NDUFAF3: variants seen among roughly 807,000 people sequenced by gnomAD.
NDUFAF3 encodes NADH:ubiquinone oxidoreductase complex assembly factor 3, also known as NADH dehydrogenase [ubiquinone] 1 alpha subcomplex assembly factor 3.
In NDUFAF3, 21 loss-of-function variants were observed where a neutral mutation model predicts 22.6. The observed-to-expected ratio is 0.93, with a 90% CI of 0.66 to 1.34. NDUFAF3 has a LOEUF of 1.34. Among genes scored for constraint, NDUFAF3 ranks in the 40% most tolerant of loss-of-function variants. The pLI, the probability that NDUFAF3 is intolerant of heterozygous loss-of-function variation, is 0.00. For synonymous variants in NDUFAF3, 113 were observed against 104.9 expected (o/e 1.08, Z -0.47); for missense variants, 251 against 248.4 (o/e 1.01, Z -0.07).
upstream of NDUFAF3, chr3:49,021,761 G>C (rs1051137999): frequency 3.2e-6 from 1 of 307,752 alleles, no homozygotes; most frequent in Non-Finnish European, 6.1e-6. The surrounding 1 kb of genome is among the most constrained non-coding windows in gnomAD (Gnocchi z 4.1). Context: ...CCACCGCCTG[G>C]CCAGGTGTTC....
chr3:49,022,724 C>G lies in NDUFAF3; in HGVS notation c.293C>G (p.Thr98Ser), dbSNP rs1174033198. The G allele has an allele frequency of 1.9e-6, 3 of 1,613,986 alleles. No homozygotes were observed. The highest frequency in any genetic ancestry group is 2.5e-6 in the Non-Finnish European group (3 of 1,180,046). The change falls in exon 3 of 5, where the codon ACC becomes AGC. Residue 98 changes from threonine to serine, a missense_variant. Physicochemically the swap from Thr to Ser is moderately conservative, Grantham distance 58. Transcript: ENST00000326925. The surrounding 1 kb of genome is among the most constrained non-coding windows in gnomAD (Gnocchi z 6.6). ...QWNVGSHQDI[T>S]EDSFSLFWLL... Reference sequence around the variant, plus strand: ...CAGGTGGGATCCCACCAGGACATCACCGAAGACAGCTTTTCCCTCTTCTGG... The same window carrying G: ...CAGGTGGGATCCCACCAGGACATCAGCGAAGACAGCTTTTCCCTCTTCTGG...
In NDUFAF3 at chr3:49,022,139, T is replaced by C. The variant is rs2093164166; in HGVS notation, c.-6T>C. 6.2e-7 allele frequency: 1 copy of C among 1,607,204 alleles called. No individual in the cohort carries two copies. The highest frequency in any genetic ancestry group is 8.5e-7 in the Non-Finnish European group (1 of 1,178,872). ...CGGTGACGACTTCGCCGCGCGTTGGTCAGCCATGGCCACCGCTCTCGCGCT... is the reference window on the plus strand; with the variant it reads ...CGGTGACGACTTCGCCGCGCGTTGGCCAGCCATGGCCACCGCTCTCGCGCT... On this transcript the variant is annotated 5_prime_UTR_variant, in exon 1 of 5. Transcript: ENST00000326925. The surrounding 1 kb of genome is among the most constrained non-coding windows in gnomAD (Gnocchi z 6.6).
At position 49,023,382 on chromosome 3, in the gene NDUFAF3, GATTA is replaced by G. The variant is rs1031471156; in HGVS notation, c.*211_*214del. 2 of 611,618 alleles carry G rather than the reference GATTA, an allele frequency of 3.3e-6. No homozygotes were observed. The highest frequency in any genetic ancestry group is 3.7e-5 in the African/African-American group (2 of 54,390). The allele number at this position is 611,618 out of a possible 1,614,324, so 37.9% of individuals were successfully genotyped here. ...AACCAAGGAGTCACTTTTTCATCTA[GATTA>G]CTTAGGATTCCTTGACTTTTCAGAA... On this transcript the variant is annotated 3_prime_UTR_variant, in exon 5 of 5. Transcript: ENST00000326925.
rs1454646164 is a variant in NDUFAF3 at position 49,022,686 on chromosome 3, C to T, written c.271-16C>T. Reference sequence around the variant, plus strand: ...GCGTGGATTTGTCGTATTAAATGTGCCTCCTCCCTGCACAGGTGGGATCCC... The same window carrying T: ...GCGTGGATTTGTCGTATTAAATGTGTCTCCTCCCTGCACAGGTGGGATCCC... On this transcript the variant is annotated splice_polypyrimidine_tract_variant and intron_variant, in intron 2 of 4. Coordinates refer to ENST00000326925, the MANE Select transcript of NDUFAF3 (RefSeq NM_199069.2). The surrounding 1 kb of genome is among the most constrained non-coding windows in gnomAD (Gnocchi z 6.6). 1 of 1,613,898 alleles carries T rather than the reference C, an allele frequency of 6.2e-7. No individual in the cohort carries two copies. The highest frequency in any genetic ancestry group is 8.5e-7 in the Non-Finnish European group (1 of 1,180,004).
Position 49,023,433 on chromosome 3 carries a change from C to T in NDUFAF3, c.*261C>T. 3 of 523,886 alleles carry T rather than the reference C, an allele frequency of 5.7e-6. No individual in the cohort carries two copies. The highest frequency in any genetic ancestry group is 1.0e-5 in the Non-Finnish European group (3 of 288,144). 32.5% of individuals were successfully genotyped at this position (523,886 alleles called of 1,614,324 possible). ...AGAAGTCGGGAAGCAGTATGTTTGC[C>T]TGTTGTAGACCTACTTGCTCACATG... On this transcript the variant is annotated 3_prime_UTR_variant, in exon 5 of 5. Coordinates refer to ENST00000326925, the MANE Select transcript of NDUFAF3 (RefSeq NM_199069.2).
At chr3:49,022,092 C>T, upstream of NDUFAF3, 1 of 1,567,742 alleles carries the variant, frequency 6.4e-7, no homozygotes, top group Non-Finnish European at 8.6e-7. The surrounding 1 kb of genome is among the most constrained non-coding windows in gnomAD (Gnocchi z 6.6). Flanking sequence ...CAGGGCCCTC[C>T]CAACCCGGGG....
Position 49,022,465 on chromosome 3 carries a change from G to T in NDUFAF3, c.197G>T (p.Arg66Leu), listed in dbSNP as rs778884144. 1 of 1,613,038 alleles carries T rather than the reference G, an allele frequency of 6.2e-7. No homozygotes were observed. Among genetic ancestry groups the T allele is most frequent in the Non-Finnish European group, 8.5e-7 (1 of 1,180,004 alleles). Residue 66 changes from arginine (R) to leucine (L), a missense_variant, in exon 2 of 5, where the codon CGC (arginine) becomes CTC (leucine). Coordinates refer to ENST00000326925, the MANE Select transcript of NDUFAF3 (RefSeq NM_199069.2). The surrounding 1 kb of genome is among the most constrained non-coding windows in gnomAD (Gnocchi z 6.6). ...QAMYIDSYNS[R>L]GFMINGNRVL... ...ATGTACATCGACAGCTACAACAGCC[G>T]CGGCTTCATGATAAACGGAAACCGC...
At chr3:49,022,098 C>G, upstream of NDUFAF3, 4 of 1,577,358 alleles carry the variant, frequency 2.5e-6, no homozygotes, top group Non-Finnish European at 3.4e-6. This position sits in a 1 kb window ranked among gnomAD's most constrained non-coding sequence, Gnocchi z 6.6. Flanking sequence ...CCTCCCAACC[C>G]GGGGACTAAC....
At position 49,022,270 on chromosome 3, in the gene NDUFAF3, G is replaced by A. The variant is rs755982046; in HGVS notation, c.77+49G>A. 3 of 1,607,722 alleles carry A rather than the reference G, an allele frequency of 1.9e-6. No homozygotes were observed. The highest frequency in any genetic ancestry group is 1.3e-5 in the African/African-American group (1 of 74,826). ...GACCATCCAGCCCCCTAGGGCCGGC[G>A]ACTGCCAGCCCAGCACCTTCCGGCC... On this transcript the variant is annotated intron_variant, in intron 1 of 4. Coordinates refer to ENST00000326925, the MANE Select transcript of NDUFAF3 (RefSeq NM_199069.2). The surrounding 1 kb of genome is among the most constrained non-coding windows in gnomAD (Gnocchi z 6.6).
rs1322848905 is a variant in NDUFAF3, at chr3:49,022,486, A to G, written c.218A>G (p.Asn73Ser). ...AGCCGCGGCTTCATGATAAACGGAAACCGCGTGCTCGGCCCCTGCGCTCTG... is the reference window on the plus strand; with the variant it reads ...AGCCGCGGCTTCATGATAAACGGAAGCCGCGTGCTCGGCCCCTGCGCTCTG... ...YNSRGFMING[N>S]RVLGPCALLP... is the part of the protein sequence containing the mutation. Residue 73 changes from asparagine (N) to serine (S), a missense_variant, in exon 2 of 5, where the codon AAC becomes AGC. By Grantham distance (46) the Asn-to-Ser change is conservative. Transcript: ENST00000326925. This position sits in a 1 kb window ranked among gnomAD's most constrained non-coding sequence, Gnocchi z 6.6. 1.2e-6 allele frequency: 2 copies of G among 1,612,674 alleles called. No homozygotes were observed. Among genetic ancestry groups the G allele is most frequent in the African/African-American group, 1.3e-5 (1 of 74,804 alleles).
At chr3:49,020,725 G>A, upstream of NDUFAF3, 1 of 476,098 alleles carries the variant, frequency 2.1e-6, no homozygotes, top group Non-Finnish European at 4.4e-6. Context: ...GGGGGGCGGG[G>A]GAGCTCCTGC....
chr3:49,021,772 G>A (rs1050014456), upstream of NDUFAF3: 32 of 318,916 alleles, frequency 1.0e-4, no homozygotes, highest in Middle Eastern at 2.0e-3. This position sits in a 1 kb window ranked among gnomAD's most constrained non-coding sequence, Gnocchi z 4.1. Context: ...CCAGGTGTTC[G>A]GGACGCGACC....
In NDUFAF3 at chr3:49,023,056, C is replaced by T. The variant is rs747808176; in HGVS notation, c.439C>T (p.Pro147Ser). ...GCTGATGCTGGCCTTTTCTTTGCAG[C>T]CCAATGCCTGTGCCACCTTCAACTT... ...RGIAVEVQDT[P>S]NACATFNFLC... Residue 147 changes from proline to serine, a missense_variant and splice_region_variant, in exon 5 of 5, where the codon CCC becomes TCC. By Grantham distance (74) the Pro-to-Ser change is moderately conservative. Coordinates refer to ENST00000326925, the MANE Select transcript of NDUFAF3 (RefSeq NM_199069.2). The T allele has an allele frequency of 1.9e-6, 3 of 1,614,108 alleles. No individual in the cohort carries two copies. The highest frequency in any genetic ancestry group is 2.2e-5 in the East Asian group (1 of 44,878).
upstream of NDUFAF3, chr3:49,021,897 A>G: frequency 1.8e-6 from 1 of 557,630 alleles, no homozygotes; most frequent in Non-Finnish European, 3.2e-6. This position sits in a 1 kb window ranked among gnomAD's most constrained non-coding sequence, Gnocchi z 4.1. Context: ...CAGGTGTTCC[A>G]CTCCCCCGGG....
At position 49,022,706 on chromosome 3, in the gene NDUFAF3, G is replaced by T. The variant is rs146340094; in HGVS notation, c.275G>T (p.Gly92Val). 28 of 1,614,006 alleles carry T rather than the reference G, an allele frequency of 1.7e-5. No homozygotes were observed. The African/African-American group carries it at 3.2e-4, about 18-fold the overall frequency. The change falls in exon 3 of 5, where the codon GGA becomes GTA. Residue 92 changes from glycine (G) to valine (V), a missense_variant. Gly to Val is a moderately radical substitution (Grantham distance 109, BLOSUM62 -3). Transcript: ENST00000326925. The surrounding 1 kb of genome is among the most constrained non-coding windows in gnomAD (Gnocchi z 6.6). The stretch of plus-strand genomic sequence containing the variant: ...ATGTGCCTCCTCCCTGCACAGGTGG[G>T]ATCCCACCAGGACATCACCGAAGAC... ...LPHSVVQWNV[G>V]SHQDITEDSF...
intron 4 of NDUFAF3, 28 bp downstream of exon 4, chr3:49,023,004 G>C (rs2093177464): frequency 6.2e-7 from 1 of 1,613,896 alleles, no homozygotes; most frequent in Non-Finnish European, 8.5e-7. Flanking sequence ...GGCATGCTGC[G>C]GGGAGCACAG....
Position 49,022,417 on chromosome 3 carries a change from T to C in NDUFAF3, c.149T>C (p.Leu50Pro), listed in dbSNP as rs2106770663. Residue 50 changes from leucine (L) to proline (P), a missense_variant, in exon 2 of 5, where the codon CTG becomes CCG. Coordinates refer to ENST00000326925, the MANE Select transcript of NDUFAF3 (RefSeq NM_199069.2). The surrounding 1 kb of genome is among the most constrained non-coding windows in gnomAD (Gnocchi z 6.6). ...TATCAGCGGACGCGCATCTCTCTGC[T>C]GCAACGCGAGGCCGCTCAGGCAATG... ...ELYQRTRISLLQREAAQAMYI... is the reference protein window; with the variant it reads ...ELYQRTRISLPQREAAQAMYI... The C allele has an allele frequency of 1.2e-6, 2 of 1,612,954 alleles. No homozygotes were observed. The highest frequency in any genetic ancestry group is 1.7e-6 in the Non-Finnish European group (2 of 1,180,024).
At position 49,022,855 on chromosome 3, in the gene NDUFAF3, G is replaced by C. The variant is rs763354787; in HGVS notation, c.338-21G>C. ...AGCCTCTCAACAGAACTGTAGACTA[G>C]CCACACCCACCCTTCCCTAGAGATC... On this transcript the variant is annotated intron_variant, in intron 3 of 4. Coordinates refer to ENST00000326925, the MANE Select transcript of NDUFAF3 (RefSeq NM_199069.2). The surrounding 1 kb of genome is among the most constrained non-coding windows in gnomAD (Gnocchi z 6.6). The C allele has an allele frequency of 1.2e-6, 2 of 1,613,690 alleles. No homozygotes were observed. Among genetic ancestry groups the C allele is most frequent in the Non-Finnish European group, 1.7e-6 (2 of 1,179,852 alleles).
chr3:49,022,628 TC>T lies in NDUFAF3; in HGVS notation c.271-72del. Reference sequence around the variant, plus strand: ...CCTGCAAACTTGGCTTTCCTCTGTCTCCTCCTGCAGTGGATGGAGATGGGGA... The same window carrying T: ...CCTGCAAACTTGGCTTTCCTCTGTCTCTCCTGCAGTGGATGGAGATGGGGA... On this transcript the variant is annotated intron_variant, in intron 2 of 4. Transcript: ENST00000326925. The surrounding 1 kb of genome is among the most constrained non-coding windows in gnomAD (Gnocchi z 6.6). The T allele has an allele frequency of 6.2e-7, 1 of 1,612,872 alleles. No individual in the cohort carries two copies. Among genetic ancestry groups the T allele is most frequent in the Non-Finnish European group, 8.5e-7 (1 of 1,179,094 alleles).
Sources: gnomAD v4.1 joint callset for allele counts on GRCh38, gnomAD v4.1.1 for gene constraint, Gnocchi (gnomAD v3.1) non-coding constraint, MANE v1.5 for transcripts, NCBI Gene and HGNC (gene_info 2026-07-23, HGNC 2026-07-21) for gene names.